Variants in WDPCP observed in about 807,000 individuals in gnomAD.
The protein encoded by WDPCP is WD repeat-containing and planar cell polarity effector protein fritz homolog.
In WDPCP, 71 loss-of-function variants were observed where a neutral mutation model predicts 93.1. That is an observed-to-expected ratio of 0.76 (90% CI 0.63 to 0.93). WDPCP has a LOEUF of 0.93. WDPCP is among the 40% of genes least tolerant of loss of function. The probability of loss-of-function intolerance (pLI) is 0.00; values close to 1 mark genes in which losing one functional copy is unlikely to be tolerated. For synonymous variants in WDPCP, 315 were observed against 315.0 expected (o/e 1.00, Z 0.00); for missense variants, 844 against 887.4 (o/e 0.95, Z 0.62).
Position 63,731,810 on chromosome 2 carries a change from T to A in WDPCP, n.309-80972A>T, listed in dbSNP as rs901924033. On this transcript the variant is annotated intron_variant and non_coding_transcript_variant, in intron 2 of 4. Transcript: ENST00000467687. Reference sequence around the variant, plus strand: ...AAGATGAATTCAGACATGTCATCAATGGTACAAGGTAAGCAAGAGACAAGG... The same window carrying A: ...AAGATGAATTCAGACATGTCATCAAAGGTACAAGGTAAGCAAGAGACAAGG... 2.6e-5 allele frequency among the ~76,000 whole-genome samples: 4 copies of A among 152,280 alleles called. No homozygotes were observed. In the East Asian group the frequency reaches 7.7e-4, roughly 29 times the overall value.
chr2:63,438,852 T>A (rs1697318273), intron 7 of WDPCP, among the ~76,000 whole-genome samples: 1 of 152,124 alleles, frequency 6.6e-6, no homozygotes, highest in South Asian at 2.1e-4. Context: ...AAATTTAAGA[T>A]ACTGACCATT....
chr2:63,223,752 C>T (rs1678037180), intron 14 of WDPCP, among the ~76,000 whole-genome samples: 1 of 152,042 alleles, frequency 6.6e-6, no homozygotes, highest in Non-Finnish European at 1.5e-5. Flanking sequence ...ACATTTTAAT[C>T]ACATAGATAT....
chr2:63,171,282 G>A (rs1673373184), intron 15 of WDPCP, among the ~76,000 whole-genome samples: 1 of 152,158 alleles, frequency 6.6e-6, no homozygotes, highest in Non-Finnish European at 1.5e-5. Context: ...CACAGACGGA[G>A]AAAATACTTG....
intron 13 of WDPCP, among the ~76,000 whole-genome samples, chr2:63,306,272 C>G (rs1685736499): frequency 6.6e-6 from 1 of 152,130 alleles, no homozygotes; most frequent in African/African-American, 2.4e-5. Context: ...AAAAAAAGCC[C>G]AGGACCAGAC....
chr2:63,715,133 G>C (rs1056371033), intron 2 of WDPCP, among the ~76,000 whole-genome samples: 3 of 152,194 alleles, frequency 2.0e-5, no homozygotes. Flanking sequence ...CAGATAGATG[G>C]TTTCTAGGGC....
intron 6 of WDPCP, among the ~76,000 whole-genome samples, chr2:63,450,466 G>T (rs1698163638): frequency 6.6e-6 from 1 of 152,112 alleles, no homozygotes; most frequent in East Asian, 1.9e-4. Context: ...GGGGACTCAT[G>T]AACCCACTCA....
chr2:63,737,503 C>T (rs1371950605), intron 2 of WDPCP, among the ~76,000 whole-genome samples: 1 of 152,152 alleles, frequency 6.6e-6, no homozygotes, highest in African/African-American at 2.4e-5. Flanking sequence ...TAGAAGCAAC[C>T]TGAGTGGCAG....
intron 13 of WDPCP, among the ~76,000 whole-genome samples, chr2:63,289,034 GATATAA>G (rs1408710602): frequency 2.6e-5 from 4 of 151,960 alleles, no homozygotes; most frequent in Non-Finnish European, 4.4e-5. Context: ...CATTATTGAC[GATATAA>G]ATATAAATTT....
chr2:63,731,264 T>C (rs1275521925), intron 2 of WDPCP, among the ~76,000 whole-genome samples: 1 of 142,016 alleles, frequency 7.0e-6, no homozygotes, highest in African/African-American at 2.6e-5. Flanking sequence ...TGAGAATCCG[T>C]CTCAAAAAAA....
At chr2:63,479,349 C>T (rs1053701935) in intron 6 of WDPCP, among the ~76,000 whole-genome samples, 15 of 152,010 alleles carry the variant, frequency 9.9e-5, no homozygotes, top group Non-Finnish European at 1.6e-4. Flanking sequence ...GCCAGTATCA[C>T]CCTAATACCA....
At chr2:63,228,160 A>T (rs1678450568) in intron 14 of WDPCP, among the ~76,000 whole-genome samples, 1 of 152,064 alleles carries the variant, frequency 6.6e-6, no homozygotes. Flanking sequence ...GCTGGAGGTC[A>T]TGTACATCAG....
At chr2:63,569,498 A>G (rs952715995) in intron 1 of WDPCP, among the ~76,000 whole-genome samples, 1 of 152,242 alleles carries the variant, frequency 6.6e-6, no homozygotes, top group Non-Finnish European at 1.5e-5. Flanking sequence ...AAGATCCAGC[A>G]AAATGGGAAA....
intron 2 of WDPCP, among the ~76,000 whole-genome samples, chr2:63,712,664 A>G (rs946124536): frequency 6.6e-6 from 1 of 152,182 alleles, no homozygotes; most frequent in African/African-American, 2.4e-5. Flanking sequence ...CTTCAGGGAC[A>G]TTTTGTTTCT....
chr2:63,189,852 A>T (rs1419995096), intron 14 of WDPCP, among the ~76,000 whole-genome samples: 1 of 152,220 alleles, frequency 6.6e-6, no homozygotes, highest in Non-Finnish European at 1.5e-5. Context: ...ATATCACTAC[A>T]TGGATCAATT....
At chr2:63,554,811 C>G (rs1382952221) in intron 1 of WDPCP, among the ~76,000 whole-genome samples, 1 of 152,174 alleles carries the variant, frequency 6.6e-6, no homozygotes, top group African/African-American at 2.4e-5. Flanking sequence ...CTGGGACTGA[C>G]TAGGCAGCTG....
intron 12 of WDPCP, among the ~76,000 whole-genome samples, chr2:63,371,617 G>C (rs1286302220): frequency 6.6e-6 from 1 of 151,802 alleles, no homozygotes; most frequent in Non-Finnish European, 1.5e-5. Flanking sequence ...TGCCTTTTTA[G>C]TGAGGCCTTC....
chr2:63,334,741 G>T (rs533843615), intron 12 of WDPCP, among the ~76,000 whole-genome samples: 3 of 152,140 alleles, frequency 2.0e-5, no homozygotes, highest in African/African-American at 7.2e-5. Context: ...TAAATCTTAG[G>T]ACCCAAACTC....
At chr2:63,438,075 A>G in intron 7 of WDPCP, 1 of 1,094,470 alleles carries the variant, frequency 9.1e-7, no homozygotes, top group Non-Finnish European at 1.2e-6. Context: ...ACCAATATGT[A>G]CATTACATAA....
chr2:63,445,048 G>C (rs780441592), intron 6 of WDPCP, among the ~76,000 whole-genome samples: 1 of 152,166 alleles, frequency 6.6e-6, no homozygotes, highest in Middle Eastern at 3.4e-3. Flanking sequence ...GATTAAATTG[G>C]AAGTGAAACG....
Sources: allele counts gnomAD v4.1 joint callset (sites outside exome capture counted in the v4.1 genomes callset), GRCh38; gene constraint gnomAD v4.1.1; transcripts MANE v1.5; gene names NCBI Gene and HGNC (gene_info 2026-07-23, HGNC 2026-07-21).